FCHSD2: variants seen among roughly 807,000 people sequenced by gnomAD.
FCHSD2 encodes F-BAR and double SH3 domains protein 2.
Under a neutral mutation model 108.1 loss-of-function variants are expected in FCHSD2, and 38 were observed. The observed-to-expected ratio is 0.35, with a 90% CI of 0.27 to 0.46. FCHSD2 has a LOEUF of 0.46. FCHSD2 is among the 20% of genes least tolerant of loss of function. The pLI, the probability that FCHSD2 is intolerant of heterozygous loss-of-function variation, is 1.00. For missense variants in FCHSD2, 751 were observed against 897.8 expected (o/e 0.84, Z 2.09); for synonymous variants, 279 against 314.7 (o/e 0.89, Z 1.20).
intron 9 of FCHSD2, among the ~76,000 whole-genome samples, chr11:72,913,812 C>A (rs187913161): frequency 2.0e-3 from 262 of 129,386 alleles, no homozygotes; most frequent in African/African-American, 4.1e-3. Context: ...TACAAAAAAA[C>A]CAAAAAAAAC....
intron 8 of FCHSD2, among the ~76,000 whole-genome samples, chr11:72,975,256 G>T (rs1242281476): frequency 6.6e-6 from 1 of 152,076 alleles, no homozygotes; most frequent in Admixed American, 6.5e-5. Flanking sequence ...CTTAGCTATT[G>T]TGAATAGTGC....
chr11:72,935,446 TAA>T (rs1001210791), intron 8 of FCHSD2, among the ~76,000 whole-genome samples: 6 of 152,202 alleles, frequency 3.9e-5, no homozygotes, highest in African/African-American at 1.4e-4. Flanking sequence ...TAGACTTTGG[TAA>T]AAGTCAAGGA....
intron 8 of FCHSD2, among the ~76,000 whole-genome samples, chr11:72,983,423 T>C (rs1459626776): frequency 1.3e-5 from 2 of 152,010 alleles, no homozygotes; most frequent in African/African-American, 4.8e-5. Context: ...TGAGCCGTGA[T>C]CATCACTGCA....
Position 72,857,223 on chromosome 11 carries a change from A to G in FCHSD2, c.1309-7334T>C, listed in dbSNP as rs575949132. Among the ~76,000 whole-genome samples the G allele has an allele frequency of 2.6e-5, 4 of 152,326 alleles. No homozygotes were observed. The South Asian group carries it at 8.3e-4, about 32-fold the overall frequency. ...GCTGCTTTCCAAAGCATGTCATCTCAGAATAATTTCTTCCTTTTTCCTCTT... is the reference window on the plus strand; with the variant it reads ...GCTGCTTTCCAAAGCATGTCATCTCGGAATAATTTCTTCCTTTTTCCTCTT... On this transcript the variant is annotated intron_variant, in intron 13 of 19. Transcript: ENST00000409418.
intron 4 of FCHSD2, among the ~76,000 whole-genome samples, chr11:73,010,203 T>C (rs1857832205): frequency 6.6e-6 from 1 of 152,266 alleles, no homozygotes; most frequent in East Asian, 1.9e-4. Context: ...TTCAAATGTA[T>C]TTTGTATTTC....
At chr11:73,007,748 C>T (rs1857771872) in intron 4 of FCHSD2, among the ~76,000 whole-genome samples, 2 of 152,160 alleles carry the variant, frequency 1.3e-5, no homozygotes, top group South Asian at 4.1e-4. Flanking sequence ...ACTCAATATG[C>T]ACACACATAC....
intron 2 of FCHSD2, among the ~76,000 whole-genome samples, chr11:73,105,703 A>C (rs1164797185): frequency 6.6e-6 from 1 of 152,184 alleles, no homozygotes; most frequent in African/African-American, 2.4e-5. Flanking sequence ...TGGTACAAAA[A>C]CTCACAATAG....
intron 9 of FCHSD2, among the ~76,000 whole-genome samples, chr11:72,915,600 C>T (rs966150029): frequency 6.6e-6 from 1 of 152,038 alleles, no homozygotes; most frequent in Non-Finnish European, 1.5e-5. Context: ...GGGTGGATCA[C>T]CTGAGGTCAG....
chr11:72,941,065 G>A, intron 8 of FCHSD2: 1 of 640,960 alleles, frequency 1.6e-6, no homozygotes, highest in South Asian at 1.7e-5. Context: ...TTCTTGCCGG[G>A]CAGCTTAGAG....
rs1859798654 is a variant in FCHSD2 at position 73,085,690 on chromosome 11, T to C, written c.120-1950A>G. Among the ~76,000 whole-genome samples the C allele has an allele frequency of 3.3e-5, 5 of 151,742 alleles. 1 individual carries two copies. In the South Asian group the frequency reaches 1.0e-3, roughly 31 times the overall value. ...CAGGCACAGCTCAGTACAGACTACC[T>C]ACAACATTTAAAAACTTTTTAACTA... On this transcript the variant is annotated intron_variant, in intron 2 of 19. Transcript: ENST00000409418.
At chr11:73,135,098 C>A (rs889175345) in intron 2 of FCHSD2, among the ~76,000 whole-genome samples, 4 of 152,238 alleles carry the variant, frequency 2.6e-5, no homozygotes, top group African/African-American at 9.6e-5. Flanking sequence ...AAGTGATCCA[C>A]CCGCCTTGGC....
At position 72,914,028 on chromosome 11, in the gene FCHSD2, T is replaced by C. The variant is rs1855821225; in HGVS notation, c.828+7800A>G. ...CTTAAGCTATTTATTTATTTATTTA[T>C]TTATTTCAGAAGGAGTCTCACTGTC... On this transcript the variant is annotated intron_variant, in intron 9 of 19. Coordinates refer to ENST00000409418, the MANE Select transcript of FCHSD2 (RefSeq NM_014824.3). Among the ~76,000 whole-genome samples the C allele has an allele frequency of 2.6e-5, 4 of 152,134 alleles. No homozygotes were observed. The South Asian group carries it at 8.3e-4, about 32-fold the overall frequency.
At chr11:73,104,476 G>A (rs1267667701) in intron 2 of FCHSD2, among the ~76,000 whole-genome samples, 2 of 152,124 alleles carry the variant, frequency 1.3e-5, no homozygotes, top group Non-Finnish European at 2.9e-5. Flanking sequence ...CACCATGTTG[G>A]CCAGGGTGGT....
intron 9 of FCHSD2, among the ~76,000 whole-genome samples, chr11:72,916,453 C>G (rs1164861876): frequency 2.0e-5 from 3 of 151,846 alleles, no homozygotes; most frequent in Non-Finnish European, 2.9e-5. Flanking sequence ...GTTGGGACAA[C>G]AGGTATGCAG....
At chr11:73,022,397 A>G (rs138330211) in intron 3 of FCHSD2, among the ~76,000 whole-genome samples, 34 of 152,334 alleles carry the variant, frequency 2.2e-4, no homozygotes, top group Non-Finnish European at 2.5e-4. Context: ...TCATGGAACT[A>G]ATAACTGAGT....
chr11:73,093,343 A>G (rs571636690), intron 2 of FCHSD2, among the ~76,000 whole-genome samples: 38 of 152,284 alleles, frequency 2.5e-4, no homozygotes, highest in African/African-American at 7.7e-4. Context: ...GTCCTGGCAA[A>G]TTATTGAATC....
intron 8 of FCHSD2, among the ~76,000 whole-genome samples, chr11:72,923,515 G>A (rs1229830028): frequency 6.6e-6 from 1 of 152,004 alleles, no homozygotes. Context: ...TTAGTGATTA[G>A]GAACGGTATA....
At chr11:72,967,270 G>A (rs1337650171) in intron 8 of FCHSD2, among the ~76,000 whole-genome samples, 1 of 151,794 alleles carries the variant, frequency 6.6e-6, no homozygotes, top group Non-Finnish European at 1.5e-5. Context: ...GGCAGTAAGA[G>A]CAATATGTAA....
At chr11:72,952,254 T>C (rs1337753278) in intron 8 of FCHSD2, among the ~76,000 whole-genome samples, 4 of 152,142 alleles carry the variant, frequency 2.6e-5, no homozygotes, top group Non-Finnish European at 5.9e-5. Flanking sequence ...AATCTAGTAT[T>C]AGTCTCTAGT....
Sources: allele counts gnomAD v4.1 joint callset (sites outside exome capture counted in the v4.1 genomes callset), GRCh38; gene constraint gnomAD v4.1.1; transcripts MANE v1.5; gene names NCBI Gene and HGNC (gene_info 2026-07-23, HGNC 2026-07-21).